Variants in PABPC4L observed in about 807,000 individuals in gnomAD.
PABPC4L encodes poly(A) binding protein cytoplasmic 4 like.
For synonymous variants in PABPC4L, 169 were observed against 164.1 expected (o/e 1.03, Z -0.23); for missense variants, 452 against 451.4 (o/e 1.00, Z -0.01).
At chr4:134,118,500 A>G in the PABPC4L span, among the ~76,000 whole-genome samples, 2 of 151,870 alleles carry the variant, frequency 1.3e-5, no homozygotes, top group African/African-American at 2.4e-5. Context: ...AGTCTAAGGC[A>G]ACACTTAGAT....
the PABPC4L span, among the ~76,000 whole-genome samples, chr4:134,034,070 G>C: frequency 2.0e-5 from 3 of 151,874 alleles, no homozygotes; most frequent in African/African-American, 7.2e-5. Context: ...CTCTTGTTAC[G>C]AGAGGTAATC....
chr4:133,997,431 C>A, the PABPC4L span, among the ~76,000 whole-genome samples: 1 of 151,958 alleles, frequency 6.6e-6, no homozygotes, highest in East Asian at 1.9e-4. Flanking sequence ...ATTTTCATGC[C>A]TGCTAGCATG....
At chr4:134,005,073 G>A in the PABPC4L span, among the ~76,000 whole-genome samples, 1 of 151,776 alleles carries the variant, frequency 6.6e-6, no homozygotes, top group Non-Finnish European at 1.5e-5. Context: ...TAATGATAAT[G>A]TAAATGTAAA....
chr4:133,961,683 TG>T, the PABPC4L span, among the ~76,000 whole-genome samples: 9 of 152,192 alleles, frequency 5.9e-5, no homozygotes, highest in South Asian at 1.7e-3. Flanking sequence ...GGTCTGTGTT[TG>T]TTATGGCTTG....
the PABPC4L span, among the ~76,000 whole-genome samples, chr4:133,985,376 T>C: frequency 6.6e-6 from 1 of 151,978 alleles, no homozygotes. Context: ...TTCAATCAGA[T>C]ATGCACTTTG....
the PABPC4L span, among the ~76,000 whole-genome samples, chr4:134,155,030 A>G: frequency 5.1e-4 from 78 of 152,192 alleles, 1 homozygote; most frequent in Admixed American, 2.7e-3. Context: ...CTATCACAAA[A>G]TGATGCTAGT....
the PABPC4L span, among the ~76,000 whole-genome samples, chr4:134,154,157 T>C: frequency 6.6e-6 from 1 of 152,134 alleles, no homozygotes; most frequent in African/African-American, 2.4e-5. Flanking sequence ...AAAATTGGTA[T>C]CTTTAAATAA....
At chr4:134,179,607 T>C in the PABPC4L span, among the ~76,000 whole-genome samples, 2 of 151,894 alleles carry the variant, frequency 1.3e-5, no homozygotes, top group Non-Finnish European at 2.9e-5. Context: ...TGGATAAAAA[T>C]GGGAAACCAA....
chr4:134,013,681 C>T, the PABPC4L span, among the ~76,000 whole-genome samples: 30 of 152,216 alleles, frequency 2.0e-4, no homozygotes, highest in Non-Finnish European at 2.9e-4. Flanking sequence ...TTTTACACAT[C>T]GGTCCCTCCC....
the PABPC4L span, among the ~76,000 whole-genome samples, chr4:133,983,105 A>T: frequency 1.3e-5 from 2 of 151,954 alleles, no homozygotes; most frequent in Non-Finnish European, 2.9e-5. Context: ...TTTCAAAGAA[A>T]ATAAGCTCCA....
the PABPC4L span, among the ~76,000 whole-genome samples, chr4:134,189,553 C>A: frequency 6.6e-6 from 1 of 151,736 alleles, no homozygotes; most frequent in East Asian, 1.9e-4. Flanking sequence ...TGTGTATATA[C>A]ATTCACATAT....
chr4:134,172,276 C>A, the PABPC4L span, among the ~76,000 whole-genome samples: 1 of 152,028 alleles, frequency 6.6e-6, no homozygotes, highest in South Asian at 2.1e-4. Context: ...ATACTACAAG[C>A]CTATGGTAAC....
At chr4:134,181,721 A>C in the PABPC4L span, among the ~76,000 whole-genome samples, 1,934 of 151,996 alleles carry the variant, frequency 0.013, 43 homozygotes, top group African/African-American at 0.041. Flanking sequence ...TTCATATACA[A>C]CAGAAACATC....
At chr4:134,008,036 GAT>G in the PABPC4L span, among the ~76,000 whole-genome samples, 3 of 151,602 alleles carry the variant, frequency 2.0e-5, no homozygotes, top group African/African-American at 7.3e-5. Flanking sequence ...ATCCTCAAGT[GAT>G]AGTGGAAAGT....
the PABPC4L span, among the ~76,000 whole-genome samples, chr4:133,950,951 G>A: frequency 7.9e-5 from 12 of 152,152 alleles, no homozygotes; most frequent in Non-Finnish European, 4.4e-5. Context: ...CACTCCATGG[G>A]CATATTTGGG....
chr4:133,985,516 A>G, the PABPC4L span, among the ~76,000 whole-genome samples: 9 of 152,022 alleles, frequency 5.9e-5, no homozygotes, highest in Non-Finnish European at 1.2e-4. Context: ...TATTTCTCAT[A>G]TTCATAATTT....
the PABPC4L span, among the ~76,000 whole-genome samples, chr4:134,130,328 A>G: frequency 3.3e-5 from 5 of 152,116 alleles, no homozygotes; most frequent in African/African-American, 4.8e-5. Context: ...AATAAGCTCA[A>G]TTAAAATAAA....
chr4:134,172,281 G>T, the PABPC4L span, among the ~76,000 whole-genome samples: 2 of 151,908 alleles, frequency 1.3e-5, no homozygotes, highest in Non-Finnish European at 2.9e-5. Flanking sequence ...ACAAGCCTAT[G>T]GTAACCAAAA....
chr4:134,076,776 C>G, the PABPC4L span, among the ~76,000 whole-genome samples: 3 of 151,892 alleles, frequency 2.0e-5, no homozygotes, highest in Non-Finnish European at 4.4e-5. Flanking sequence ...TAGACATACC[C>G]ATATAGATAG....
Sources: gnomAD v4.1 joint callset for allele counts (sites outside exome capture counted in the v4.1 genomes callset) on GRCh38, gnomAD v4.1.1 for gene constraint, MANE v1.5 for transcripts, NCBI Gene and HGNC (gene_info 2026-07-23, HGNC 2026-07-21) for gene names.